Variants in LHFPL4 observed in about 807,000 individuals in gnomAD.
The protein encoded by LHFPL4 is LHFPL tetraspan subfamily member 4.
A neutral mutation model predicts 20.0 loss-of-function variants in LHFPL4; 6 were observed. The ratio of observed to expected loss-of-function variants is 0.30; its 90% CI spans 0.16 to 0.59. The LOEUF is 0.59. Among genes scored for constraint, LHFPL4 ranks in the 20% least tolerant of loss-of-function variants. The pLI is 0.88. For missense variants in LHFPL4, 215 were observed against 331.2 expected, an observed-to-expected ratio of 0.65 and a Z score of 2.72; for synonymous variants, 129 against 143.8, an observed-to-expected ratio of 0.90 and a Z score of 0.74.
chr3:9,550,592 C>G (rs2046547111), intron 2 of LHFPL4: 1 of 152,146 alleles, frequency 6.6e-6, no homozygotes, highest in Non-Finnish European at 1.5e-5. Context: ...ATTTGAAAGC[C>G]AAGAGGTCAG....
chr3:9,521,279 C>T (rs2125659815), intron 2 of LHFPL4, among the ~76,000 whole-genome samples: 1 of 148,988 alleles, frequency 6.7e-6, no homozygotes, highest in East Asian at 2.0e-4. Context: ...GGCTGGAGTG[C>T]AGTGGTACGA....
intron 2 of LHFPL4, among the ~76,000 whole-genome samples, chr3:9,544,177 A>T (rs2046496798): frequency 6.6e-6 from 1 of 152,050 alleles, no homozygotes; most frequent in South Asian, 2.1e-4. Flanking sequence ...GGGGGAGAGG[A>T]TGGAAAGGAG....
intron 2 of LHFPL4, among the ~76,000 whole-genome samples, chr3:9,526,736 A>G (rs1043717785): frequency 6.6e-6 from 1 of 151,720 alleles, no homozygotes; most frequent in Non-Finnish European, 1.5e-5. Flanking sequence ...TAGGAAGAGA[A>G]GAGAAACACA....
At position 9,506,372 on chromosome 3, in the gene LHFPL4, A is replaced by G. The variant is rs548599533; in HGVS notation, c.407-169T>C. Among the ~76,000 whole-genome samples, 1 of 152,200 alleles carries G rather than the reference A, an allele frequency of 6.6e-6. No homozygotes were observed. The highest frequency in any genetic ancestry group is 2.4e-5 in the African/African-American group (1 of 41,530). ...AGAAAGAGAGGGCAGGGGCAGGGAA[A>G]AGAGAGAGAGAAAGAGGTCTACGAT... On this transcript the variant is annotated intron_variant, in intron 2 of 3. Coordinates refer to ENST00000287585, the MANE Select transcript of LHFPL4 (RefSeq NM_198560.3). The surrounding 1 kb of genome is among the most constrained non-coding windows in gnomAD (Gnocchi z 4.5).
chr3:9,543,254 C>A (rs982738574), intron 2 of LHFPL4, among the ~76,000 whole-genome samples: 1 of 151,940 alleles, frequency 6.6e-6, no homozygotes, highest in African/African-American at 2.4e-5. Context: ...GTAATCCCAG[C>A]ACTGTGGGAG....
intron 2 of LHFPL4, among the ~76,000 whole-genome samples, chr3:9,521,242 T>TC (rs903911142): frequency 6.7e-5 from 10 of 149,912 alleles, no homozygotes; most frequent in African/African-American, 2.4e-4. Context: ...CTTTTTTTTT[T>TC]TTTTGACAGT....
intron 3 of LHFPL4, among the ~76,000 whole-genome samples, chr3:9,503,119 G>A (rs948400487): frequency 3.9e-5 from 6 of 152,074 alleles, no homozygotes; most frequent in Admixed American, 6.5e-5. Flanking sequence ...ACAGGTGCGC[G>A]CCATGGCTTT....
chr3:9,531,591 T>C (rs963866700), intron 2 of LHFPL4, among the ~76,000 whole-genome samples: 3 of 152,074 alleles, frequency 2.0e-5, no homozygotes, highest in Non-Finnish European at 4.4e-5. Flanking sequence ...TCATCTGAAA[T>C]AACAATTCGA....
At chr3:9,537,512 TTAA>T (rs1190492752) in intron 2 of LHFPL4, among the ~76,000 whole-genome samples, 3 of 152,148 alleles carry the variant, frequency 2.0e-5, no homozygotes, top group Non-Finnish European at 4.4e-5. Flanking sequence ...CCACAGCCTG[TTAA>T]TAACCTTGGC....
At chr3:9,527,412 A>C (rs1057405406) in intron 2 of LHFPL4, among the ~76,000 whole-genome samples, 1 of 152,084 alleles carries the variant, frequency 6.6e-6, no homozygotes, top group Non-Finnish European at 1.5e-5. Context: ...CTACTAAAAA[A>C]AATAATAATA....
Position 9,506,088 on chromosome 3 carries a change from G to A in LHFPL4, c.522C>T (p.Arg174=). ...CGATGATGGCCAGGATGTATGCCCA[G>A]CGCACTGAACAGTCCCCCAGGGAGT... The part of the protein sequence containing the change: ...GKYSLGDCSV[R]WAYILAIIGI... The change falls in exon 3 of 4, where the codon CGC becomes CGT. Residue 174 remains arginine (R), a synonymous_variant. Transcript: ENST00000287585. This position sits in a 1 kb window ranked among gnomAD's most constrained non-coding sequence, Gnocchi z 4.5. 4 of 1,614,146 alleles carry A rather than the reference G, an allele frequency of 2.5e-6. No homozygotes were observed. The highest frequency in any genetic ancestry group is 3.4e-6 in the Non-Finnish European group (4 of 1,180,032).
At chr3:9,519,810 G>C (rs529639136) in intron 2 of LHFPL4, among the ~76,000 whole-genome samples, 1 of 151,894 alleles carries the variant, frequency 6.6e-6, no homozygotes, top group African/African-American at 2.4e-5. Flanking sequence ...GCCTCAGCCT[G>C]AGTATAAGCT....
At chr3:9,527,485 G>C (rs966947187) in intron 2 of LHFPL4, among the ~76,000 whole-genome samples, 2 of 152,112 alleles carry the variant, frequency 1.3e-5, no homozygotes, top group African/African-American at 4.8e-5. Flanking sequence ...GGAGTGCTGA[G>C]GTGGGACGAT....
At chr3:9,531,902 A>G (rs1029562718) in intron 2 of LHFPL4, among the ~76,000 whole-genome samples, 1 of 152,250 alleles carries the variant, frequency 6.6e-6, no homozygotes, top group African/African-American at 2.4e-5. Flanking sequence ...TGAGCCTAAG[A>G]AGAGGTAAAG....
intron 2 of LHFPL4, among the ~76,000 whole-genome samples, chr3:9,521,814 TGA>T (rs1170250538): frequency 6.6e-6 from 1 of 152,178 alleles, no homozygotes; most frequent in Non-Finnish European, 1.5e-5. Context: ...AACATATAAC[TGA>T]GTCTTTTTTT....
chr3:9,522,230 G>C (rs113214853), intron 2 of LHFPL4, among the ~76,000 whole-genome samples: 2 of 151,486 alleles, frequency 1.3e-5, no homozygotes, highest in Admixed American at 6.6e-5. Context: ...TCTTGACCTC[G>C]TGATCTGCCC....
At chr3:9,509,228 C>T (rs1344449115) in intron 2 of LHFPL4, among the ~76,000 whole-genome samples, 1 of 125,404 alleles carries the variant, frequency 8.0e-6, no homozygotes, top group African/African-American at 3.0e-5. Flanking sequence ...CCACCCTTTT[C>T]ATCTTTCTTC....
chr3:9,533,905 G>A (rs114753440), intron 2 of LHFPL4, among the ~76,000 whole-genome samples: 2,853 of 151,600 alleles, frequency 0.019, 97 homozygotes, highest in African/African-American at 0.066. Flanking sequence ...GTAGATTTAT[G>A]ACTTTAAAAA....
At chr3:9,503,571 A>C (rs1450743164) in intron 3 of LHFPL4, among the ~76,000 whole-genome samples, 1 of 152,146 alleles carries the variant, frequency 6.6e-6, no homozygotes, top group Non-Finnish European at 1.5e-5. Flanking sequence ...AAGAGCTTGG[A>C]CTTTGGACTT....
Sources: allele counts gnomAD v4.1 joint callset (sites outside exome capture counted in the v4.1 genomes callset), GRCh38; gene constraint gnomAD v4.1.1; non-coding constraint Gnocchi (gnomAD v3.1); transcripts MANE v1.5; gene names NCBI Gene and HGNC (gene_info 2026-07-23, HGNC 2026-07-21).